Variants in GRM8 observed in about 807,000 individuals in gnomAD.
GRM8 encodes the protein glutamate metabotropic receptor 8.
GRM8 carries 47 observed loss-of-function variants against 87.2 expected under a neutral mutation model. The observed-to-expected ratio is 0.54, with a 90% CI of 0.43 to 0.69. The LOEUF (loss-of-function observed/expected upper bound fraction) is 0.69, where lower values mean the gene tolerates loss of function less well. Among genes scored for constraint, GRM8 ranks in the 30% least tolerant of loss-of-function variants. The pLI, the probability that GRM8 is intolerant of heterozygous loss-of-function variation, is 0.00. For missense variants in GRM8, 1,019 were observed against 1,139.2 expected (o/e 0.89, Z 1.52); for synonymous variants, 396 against 404.5 (o/e 0.98, Z 0.25).
intron 6 of GRM8, among the ~76,000 whole-genome samples, chr7:126,894,024 CAT>C (rs1801310875): frequency 6.6e-6 from 1 of 152,046 alleles, no homozygotes; most frequent in Non-Finnish European, 1.5e-5. Context: ...CAAGATAAAA[CAT>C]AGAGAAGAAA....
At chr7:126,768,300 G>A (rs1305049190) in intron 7 of GRM8, among the ~76,000 whole-genome samples, 7 of 125,454 alleles carry the variant, frequency 5.6e-5, no homozygotes, top group Non-Finnish European at 4.7e-5. Context: ...GTAAAGTATC[G>A]TCAGCACCTG....
chr7:126,688,739 G>GACACACAC lies in GRM8; in HGVS notation c.1358-79249_1358-79242dup, dbSNP rs3831573. ...CCCTATTTTCTCTCTCTCTCTTTCTGACACACACACACACACACACACACA... is the reference window on the plus strand; with the variant it reads ...CCCTATTTTCTCTCTCTCTCTTTCTGACACACACACACACACACACACACACACACACA... On this transcript the variant is annotated intron_variant, in intron 7 of 10. Coordinates refer to ENST00000339582, the MANE Select transcript of GRM8 (RefSeq NM_000845.3). Among the ~76,000 whole-genome samples, 1,104 of 145,782 alleles carry GACACACAC rather than the reference G, an allele frequency of 7.6e-3. 23 individuals carry two copies. The highest frequency in any genetic ancestry group is 0.026 in the African/African-American group (1,007 of 39,182).
At chr7:126,555,878 G>T (rs1793082766) in intron 8 of GRM8, among the ~76,000 whole-genome samples, 1 of 152,150 alleles carries the variant, frequency 6.6e-6, no homozygotes, top group Non-Finnish European at 1.5e-5. Context: ...TAATGCCCAT[G>T]AAAAGAAATT....
intron 7 of GRM8, among the ~76,000 whole-genome samples, chr7:126,680,318 A>G (rs1485089527): frequency 6.6e-6 from 1 of 152,192 alleles, no homozygotes; most frequent in Non-Finnish European, 1.5e-5. Context: ...AACCTTCAAT[A>G]AGAGTGTTGA....
chr7:126,945,512 C>G (rs1449350870), intron 3 of GRM8, among the ~76,000 whole-genome samples: 1 of 152,000 alleles, frequency 6.6e-6, no homozygotes. Context: ...AGTCAAAACA[C>G]AGTCGAAACT....
intron 3 of GRM8, among the ~76,000 whole-genome samples, chr7:127,054,982 T>A (rs1285910876): frequency 6.6e-6 from 1 of 151,894 alleles, no homozygotes; most frequent in Non-Finnish European, 1.5e-5. Flanking sequence ...ACCAACCATA[T>A]GGTATGACTA....
intron 2 of GRM8, among the ~76,000 whole-genome samples, chr7:127,208,933 A>G (rs891282576): frequency 6.6e-6 from 1 of 152,110 alleles, no homozygotes; most frequent in Admixed American, 6.5e-5. Context: ...TTCCTTGGGG[A>G]TACATAGTTC....
intron 2 of GRM8, among the ~76,000 whole-genome samples, chr7:127,146,668 T>C (rs1828571024): frequency 6.6e-6 from 1 of 152,088 alleles, no homozygotes; most frequent in Non-Finnish European, 1.5e-5. Flanking sequence ...AGTTCAGTTA[T>C]CCAGATATTT....
intron 9 of GRM8, among the ~76,000 whole-genome samples, chr7:126,462,352 A>G (rs1258532234): frequency 6.6e-6 from 1 of 151,644 alleles, no homozygotes; most frequent in Non-Finnish European, 1.5e-5. Context: ...TTCAAAATGA[A>G]TCTTTATTTC....
chr7:127,154,786 T>C (rs1792620843), intron 2 of GRM8, among the ~76,000 whole-genome samples: 6 of 151,990 alleles, frequency 3.9e-5, no homozygotes, highest in African/African-American at 1.4e-4. Flanking sequence ...ACTACTGGAG[T>C]CTGAATAAAA....
chr7:126,717,323 T>C (rs1437221639), intron 7 of GRM8, among the ~76,000 whole-genome samples: 1 of 152,156 alleles, frequency 6.6e-6, no homozygotes, highest in East Asian at 1.9e-4. Flanking sequence ...AGGTCGAGGC[T>C]TGTGGGGTGG....
chr7:127,045,967 TTTAA>T (rs1434361303), intron 3 of GRM8, among the ~76,000 whole-genome samples: 10 of 152,198 alleles, frequency 6.6e-5, no homozygotes, highest in Non-Finnish European at 1.3e-4. Context: ...CACAAAATGT[TTTAA>T]TTGATTGTGA....
chr7:126,618,546 G>A (rs1799773491), intron 7 of GRM8, among the ~76,000 whole-genome samples: 1 of 152,116 alleles, frequency 6.6e-6, no homozygotes, highest in East Asian at 1.9e-4. Flanking sequence ...TTAAACTAAG[G>A]AGCTTCTACA....
Position 126,647,518 on chromosome 7 carries a change from G to A in GRM8, c.1358-38020C>T, listed in dbSNP as rs1473183460. On this transcript the variant is annotated intron_variant, in intron 7 of 10. Coordinates refer to ENST00000339582, the MANE Select transcript of GRM8 (RefSeq NM_000845.3). ...ATTTCAGATTCATATATTCAACTAC[G>A]CCCCTGACATTCCAACTCAGATATT... Among the ~76,000 whole-genome samples, 16 of 151,788 alleles carry A rather than the reference G, an allele frequency of 1.1e-4. 1 individual carries two copies. Among genetic ancestry groups the A allele is most frequent in the South Asian group, 6.2e-4 (3 of 4,808 alleles).
At chr7:127,235,526 A>C (rs1797937271) in intron 2 of GRM8, among the ~76,000 whole-genome samples, 1 of 152,234 alleles carries the variant, frequency 6.6e-6, no homozygotes, top group South Asian at 2.1e-4. Flanking sequence ...GCATTGTTTC[A>C]ACTGTTTTTC....
At chr7:126,675,836 C>G (rs1480537137) in intron 7 of GRM8, among the ~76,000 whole-genome samples, 1 of 152,158 alleles carries the variant, frequency 6.6e-6, no homozygotes, top group Non-Finnish European at 1.5e-5. Flanking sequence ...GGAACAAGAT[C>G]AGGATGCCCA....
intron 3 of GRM8, among the ~76,000 whole-genome samples, chr7:126,985,154 T>A (rs1381274406): frequency 6.6e-6 from 1 of 152,134 alleles, no homozygotes; most frequent in African/African-American, 2.4e-5. Flanking sequence ...TGGCCAACTT[T>A]ATATATATTA....
At chr7:126,583,347 A>G (rs957260371) in intron 8 of GRM8, among the ~76,000 whole-genome samples, 2 of 140,842 alleles carry the variant, frequency 1.4e-5, no homozygotes, top group African/African-American at 5.0e-5. Context: ...CAGGAGTGAA[A>G]CTCTGTCTCA....
intron 7 of GRM8, among the ~76,000 whole-genome samples, chr7:126,729,035 T>G (rs968527888): frequency 6.6e-6 from 1 of 151,166 alleles, no homozygotes; most frequent in African/African-American, 2.4e-5. Context: ...ACTCTTTTTC[T>G]CCTCACCCTG....
Sources: allele counts gnomAD v4.1 joint callset (sites outside exome capture counted in the v4.1 genomes callset), GRCh38; gene constraint gnomAD v4.1.1; transcripts MANE v1.5; gene names NCBI Gene and HGNC (gene_info 2026-07-23, HGNC 2026-07-21).